SPRR2E: variants seen among roughly 807,000 people sequenced by gnomAD.
The protein encoded by SPRR2E is small proline-rich protein 2E.
For missense variants in SPRR2E, 68 were observed against 87.1 expected (o/e 0.78, Z 0.87); for synonymous variants, 20 against 32.2 (o/e 0.62, Z 1.28).
Position 153,093,388 on chromosome 1 carries a change from T to A in SPRR2E, c.*145A>T, listed in dbSNP as rs559743420. 51 of 1,436,056 alleles carry A rather than the reference T, an allele frequency of 3.6e-5. No homozygotes were observed. In the East Asian group the frequency reaches 1.1e-3, roughly 30 times the overall value. The allele number at this position is 1,436,056 out of a possible 1,614,324, so 89.0% of individuals were successfully genotyped here. A position where few individuals can be genotyped will look rare whatever the true frequency, so the allele number is the denominator to read the frequency against. On this transcript the variant is annotated 3_prime_UTR_variant, in exon 2 of 2. Coordinates refer to ENST00000368750, the MANE Select transcript of SPRR2E (RefSeq NM_001024209.4). ...AAAGGAAACCTTTTGCTATCAGGGA[T>A]CATCATGGGCAGATCACTGGCTAAG...
chr1:153,093,631 A>C lies in SPRR2E; in HGVS notation c.121T>G (p.Cys41Gly). Reference protein sequence around the residue: ...KCPEPCPPPKCPQPCPPQQCQ... With the variant: ...KCPEPCPPPKGPQPCPPQQCQ... Reference sequence around the variant, plus strand: ...TGCTGAGGTGGGCAGGGCTGTGGACACTTTGGTGGTGGGCAGGGCTCAGGG... The same window carrying C: ...TGCTGAGGTGGGCAGGGCTGTGGACCCTTTGGTGGTGGGCAGGGCTCAGGG... Residue 41 changes from cysteine to glycine, a missense_variant, in exon 2 of 2, where the codon TGT becomes GGT. By Grantham distance (159) the Cys-to-Gly change is radical. Coordinates refer to ENST00000368750, the MANE Select transcript of SPRR2E (RefSeq NM_001024209.4). 6.2e-7 allele frequency: 1 copy of C among 1,612,458 alleles called. No individual in the cohort carries two copies. The highest frequency in any genetic ancestry group is 1.1e-5 in the South Asian group (1 of 91,000).
At position 153,093,573 on chromosome 1, in the gene SPRR2E, G is replaced by A. The variant is rs749383223; in HGVS notation, c.179C>T (p.Ser60Phe). The A allele has an allele frequency of 3.7e-6, 6 of 1,612,902 alleles. No homozygotes were observed. The highest frequency in any genetic ancestry group is 1.1e-5 in the South Asian group (1 of 91,032). The change falls in exon 2 of 2, where the codon TCC becomes TTC. Residue 60 changes from serine to phenylalanine, a missense_variant. By Grantham distance (155) the Ser-to-Phe change is radical. Transcript: ENST00000368750. The stretch of plus-strand genomic sequence containing the variant: ...TGGACACTTTGGCTGGCAGGGTGGG[G>A]AAGGTGTCACAGGAGGACATTTTTG... ...CQQKCPPVTP[S>F]PPCQPKCPPK...
rs1655145574 is a variant in SPRR2E, at chr1:153,093,632, C to T, written c.120G>A (p.Lys40=). The change falls in exon 2 of 2, where the codon AAG becomes AAA. Residue 40 remains lysine, a synonymous_variant. Coordinates refer to ENST00000368750, the MANE Select transcript of SPRR2E (RefSeq NM_001024209.4). The part of the protein sequence containing the change: ...PKCPEPCPPP[K]CPQPCPPQQC... The stretch of plus-strand genomic sequence containing the variant: ...GCTGAGGTGGGCAGGGCTGTGGACA[C>T]TTTGGTGGTGGGCAGGGCTCAGGGC... 1.9e-6 allele frequency: 3 copies of T among 1,612,508 alleles called. No homozygotes were observed.
Position 153,093,389 on chromosome 1 carries a change from C to A in SPRR2E, c.*144G>T. The A allele has an allele frequency of 1.4e-6, 2 of 1,439,736 alleles. No homozygotes were observed. The highest frequency in any genetic ancestry group is 1.4e-5 in the African/African-American group (1 of 70,330). 89.2% of individuals were successfully genotyped at this position (1,439,736 alleles called of 1,614,324 possible). On this transcript the variant is annotated 3_prime_UTR_variant, in exon 2 of 2. Coordinates refer to ENST00000368750, the MANE Select transcript of SPRR2E (RefSeq NM_001024209.4). ...AAGGAAACCTTTTGCTATCAGGGATCATCATGGGCAGATCACTGGCTAAGA... is the reference window on the plus strand; with the variant it reads ...AAGGAAACCTTTTGCTATCAGGGATAATCATGGGCAGATCACTGGCTAAGA...
chr1:153,093,247 T>C lies in SPRR2E; in HGVS notation c.*286A>G. On this transcript the variant is annotated 3_prime_UTR_variant, in exon 2 of 2. Coordinates refer to ENST00000368750, the MANE Select transcript of SPRR2E (RefSeq NM_001024209.4). ...ACACAGAAAACATCAACAGCATTTTTTGATGGTTCCCAGGGACAGAGCTGC... is the reference window on the plus strand; with the variant it reads ...ACACAGAAAACATCAACAGCATTTTCTGATGGTTCCCAGGGACAGAGCTGC... 1 of 510,914 alleles carries C rather than the reference T, an allele frequency of 2.0e-6. No homozygotes were observed. Among genetic ancestry groups the C allele is most frequent in the Middle Eastern group, 5.2e-4 (1 of 1,932 alleles). 31.6% of individuals were successfully genotyped at this position (510,914 alleles called of 1,614,324 possible). A position where few individuals can be genotyped will look rare whatever the true frequency, so the allele number is the denominator to read the frequency against.
chr1:153,093,495 T>C lies in SPRR2E; in HGVS notation c.*38A>G. On this transcript the variant is annotated 3_prime_UTR_variant, in exon 2 of 2. Transcript: ENST00000368750. ...GCTGTGGAACAAGGTGAGCCAATTA[T>C]CCTTATCCTTTCATGCTCCTGATGA... is the stretch of plus-strand genomic sequence containing the variant. 1 of 1,600,552 alleles carries C rather than the reference T, an allele frequency of 6.2e-7. No homozygotes were observed.
In SPRR2E at chr1:153,093,141, T is replaced by G. The variant is rs879152278; in HGVS notation, c.*392A>C. On this transcript the variant is annotated 3_prime_UTR_variant, in exon 2 of 2. Transcript: ENST00000368750. ...CAAAAGATCCATTCACAAATACGTA[T>G]GCAAAGATATTTTATTCAGGGAGTG... 3.3e-6 allele frequency: 1 copy of G among 306,216 alleles called. No individual in the cohort carries two copies. The highest frequency in any genetic ancestry group is 6.0e-5 in the East Asian group (1 of 16,648). The allele number at this position is 306,216 out of a possible 1,614,324, so 19.0% of individuals were successfully genotyped here.
chr1:153,094,292 T>C lies in SPRR2E; in HGVS notation c.-20+192A>G, dbSNP rs553414663. 2.0e-5 allele frequency among the ~76,000 whole-genome samples: 3 copies of C among 152,386 alleles called. No individual in the cohort carries two copies. The South Asian group carries it at 6.2e-4, about 32-fold the overall frequency. The stretch of plus-strand genomic sequence containing the variant: ...TTTCCTATTAACTTCTCTGTCCATA[T>C]GGACATATAATTGTACATTTTTTAA... On this transcript the variant is annotated intron_variant, in intron 1 of 1. Transcript: ENST00000368750.
In SPRR2E at chr1:153,093,456, A is replaced by T. The variant is rs1232517583; in HGVS notation, c.*77T>A. On this transcript the variant is annotated 3_prime_UTR_variant, in exon 2 of 2. Transcript: ENST00000368750. Reference sequence around the variant, plus strand: ...TGTATCCATGGTAGGCTTTGATGAGAAGATGCAGGTGAAGCTGTGGAACAA... The same window carrying T: ...TGTATCCATGGTAGGCTTTGATGAGTAGATGCAGGTGAAGCTGTGGAACAA... 6.4e-7 allele frequency: 1 copy of T among 1,562,296 alleles called. No homozygotes were observed. Among genetic ancestry groups the T allele is most frequent in the Non-Finnish European group, 8.7e-7 (1 of 1,153,328 alleles).
In SPRR2E at chr1:153,093,484, T is replaced by C. The variant is rs769892822; in HGVS notation, c.*49A>G. ...ATGCAGGTGAAGCTGTGGAACAAGG[T>C]GAGCCAATTATCCTTATCCTTTCAT... On this transcript the variant is annotated 3_prime_UTR_variant, in exon 2 of 2. Coordinates refer to ENST00000368750, the MANE Select transcript of SPRR2E (RefSeq NM_001024209.4). 26 of 1,586,846 alleles carry C rather than the reference T, an allele frequency of 1.6e-5. No homozygotes were observed. The highest frequency in any genetic ancestry group is 2.2e-5 in the Non-Finnish European group (26 of 1,166,128).
At position 153,093,610 on chromosome 1, in the gene SPRR2E, G is replaced by C; in HGVS notation, c.142C>G (p.Gln48Glu). The change falls in exon 2 of 2, where the codon CAG becomes GAG. Residue 48 changes from glutamine to glutamate, a missense_variant. By Grantham distance (29) the Gln-to-Glu change is conservative (BLOSUM62 2). Transcript: ENST00000368750. ...PPKCPQPCPP[Q>E]QCQQKCPPVT... Reference sequence around the variant, plus strand: ...GGAGGACATTTTTGCTGGCACTGCTGAGGTGGGCAGGGCTGTGGACACTTT... The same window carrying C: ...GGAGGACATTTTTGCTGGCACTGCTCAGGTGGGCAGGGCTGTGGACACTTT... The C allele has an allele frequency of 6.2e-7, 1 of 1,612,788 alleles. No individual in the cohort carries two copies. Among genetic ancestry groups the C allele is most frequent in the Non-Finnish European group, 8.5e-7 (1 of 1,179,846 alleles).
Position 153,093,320 on chromosome 1 carries a change from T to A in SPRR2E, c.*213A>T. ...GGAACTGACACTGCTGAGGACTTCC[T>A]TTCTCAGTCTCCACCTGGACAGTGG... On this transcript the variant is annotated 3_prime_UTR_variant, in exon 2 of 2. Coordinates refer to ENST00000368750, the MANE Select transcript of SPRR2E (RefSeq NM_001024209.4). The A allele has an allele frequency of 1.1e-6, 1 of 938,048 alleles. No homozygotes were observed. The highest frequency in any genetic ancestry group is 1.9e-5 in the South Asian group (1 of 52,910). 58.1% of individuals were successfully genotyped at this position (938,048 alleles called of 1,614,324 possible).
rs909973253 is a variant in SPRR2E, at chr1:153,093,812, T to C, written c.-19-42A>G. ...GACAGTGTTCACAGGAATGGACTCC[T>C]CCAGAGAGAGAAGCCAAAGCTTATG... On this transcript the variant is annotated intron_variant, in intron 1 of 1. Coordinates refer to ENST00000368750, the MANE Select transcript of SPRR2E (RefSeq NM_001024209.4). The C allele has an allele frequency of 3.4e-5, 55 of 1,609,306 alleles. No individual in the cohort carries two copies. In the Admixed American group the frequency reaches 8.8e-4, roughly 26 times the overall value.
In SPRR2E at chr1:153,093,441, G is replaced by C; in HGVS notation, c.*92C>G. The C allele has an allele frequency of 6.5e-7, 1 of 1,550,306 alleles. No individual in the cohort carries two copies. Among genetic ancestry groups the C allele is most frequent in the South Asian group, 1.2e-5 (1 of 80,432 alleles). On this transcript the variant is annotated 3_prime_UTR_variant, in exon 2 of 2. Coordinates refer to ENST00000368750, the MANE Select transcript of SPRR2E (RefSeq NM_001024209.4). ...GAAAGAAGCTAACTGTGTATCCATG[G>C]TAGGCTTTGATGAGAAGATGCAGGT... is the stretch of plus-strand genomic sequence containing the variant.
chr1:153,093,479 C>A lies in SPRR2E; in HGVS notation c.*54G>T. 1.9e-6 allele frequency: 3 copies of A among 1,582,788 alleles called. No homozygotes were observed. Among genetic ancestry groups the A allele is most frequent in the Non-Finnish European group, 2.6e-6 (3 of 1,164,052 alleles). Reference sequence around the variant, plus strand: ...AGAAGATGCAGGTGAAGCTGTGGAACAAGGTGAGCCAATTATCCTTATCCT... The same window carrying A: ...AGAAGATGCAGGTGAAGCTGTGGAAAAAGGTGAGCCAATTATCCTTATCCT... On this transcript the variant is annotated 3_prime_UTR_variant, in exon 2 of 2. Coordinates refer to ENST00000368750, the MANE Select transcript of SPRR2E (RefSeq NM_001024209.4).
Position 153,093,734 on chromosome 1 carries a change from C to A in SPRR2E, c.18G>T (p.Gln6His). The change falls in exon 2 of 2, where the codon CAG (glutamine) becomes CAT (histidine). Residue 6 changes from glutamine to histidine, a missense_variant. Gln to His is a conservative substitution (Grantham distance 24). Transcript: ENST00000368750. The stretch of plus-strand genomic sequence containing the variant: ...GTGGCTGGCAGGGCTGCTTGCACTG[C>A]TGCTGTTGATAAGACATCCTGCTGG... MSYQQQQCKQPCQPPP... is the reference protein window; with the variant it reads MSYQQHQCKQPCQPPP... 6.2e-7 allele frequency: 1 copy of A among 1,612,092 alleles called. No homozygotes were observed. The highest frequency in any genetic ancestry group is 1.1e-5 in the South Asian group (1 of 90,998).
At chr1:153,094,130 T>C (rs1012062460) in intron 1 of SPRR2E, among the ~76,000 whole-genome samples, 1 of 152,234 alleles carries the variant, frequency 6.6e-6, no homozygotes, top group Non-Finnish European at 1.5e-5. Flanking sequence ...CACCAGTGGG[T>C]TGACTTGGGC....
chr1:153,093,658 A>T lies in SPRR2E; in HGVS notation c.94T>A (p.Cys32Ser), dbSNP rs150614409. The T allele has an allele frequency of 6.2e-7, 1 of 1,612,350 alleles. No individual in the cohort carries two copies. The highest frequency in any genetic ancestry group is 1.7e-5 in the Admixed American group (1 of 60,004). Residue 32 changes from cysteine to serine, a missense_variant, in exon 2 of 2, where the codon TGC becomes AGC. Cys to Ser is a moderately radical substitution (Grantham distance 112). Transcript: ENST00000368750. Reference sequence around the variant, plus strand: ...TTTGGTGGTGGGCAGGGCTCAGGGCACTTCGGGGGTGGACATGGCTCTGGG... The same window carrying T: ...TTTGGTGGTGGGCAGGGCTCAGGGCTCTTCGGGGGTGGACATGGCTCTGGG... Reference protein sequence around the residue: ...KCPEPCPPPKCPEPCPPPKCP... With the variant: ...KCPEPCPPPKSPEPCPPPKCP...
intron 1 of SPRR2E, 58 bp downstream of exon 1, chr1:153,094,426 G>A (rs1369546785): frequency 1.3e-5 from 2 of 154,680 alleles, no homozygotes; most frequent in East Asian, 3.8e-4. Context: ...GCTGGATTCA[G>A]GTTAAATTCA....
Sources: gnomAD v4.1 joint callset for allele counts (sites outside exome capture counted in the v4.1 genomes callset) on GRCh38, gnomAD v4.1.1 for gene constraint, MANE v1.5 for transcripts, NCBI Gene and HGNC (gene_info 2026-07-23, HGNC 2026-07-21) for gene names.